Variants in SLC38A9 observed in about 807,000 individuals in gnomAD.
SLC38A9 encodes solute carrier family 38 member 9, also known as neutral amino acid transporter 9.
A neutral mutation model predicts 62.3 loss-of-function variants in SLC38A9; 48 were observed. The ratio of observed to expected loss-of-function variants is 0.77; its 90% CI spans 0.61 to 0.98. SLC38A9 has a LOEUF of 0.98. Ranked by LOEUF, SLC38A9 falls within the 50% of genes least tolerant of loss-of-function variation. The pLI, the probability that SLC38A9 is intolerant of heterozygous loss-of-function variation, is 0.00. For missense variants in SLC38A9, 541 were observed against 679.8 expected, an observed-to-expected ratio of 0.80 and a Z score of 2.27; for synonymous variants, 204 against 227.7, an observed-to-expected ratio of 0.90 and a Z score of 0.94.
intron 2 of SLC38A9, among the ~76,000 whole-genome samples, chr5:55,701,564 C>A (rs763692938): frequency 1.3e-5 from 2 of 152,090 alleles, no homozygotes; most frequent in Non-Finnish European, 2.9e-5. Flanking sequence ...AATGGAGCTC[C>A]CTGCTTCTAT....
At chr5:55,662,631 C>T (rs6450336) in intron 8 of SLC38A9, among the ~76,000 whole-genome samples, 88,714 of 148,594 alleles carry the variant, frequency 0.6, 27,081 homozygotes, top group South Asian at 0.7. Flanking sequence ...GATCTCACCA[C>T]TGCACTCCAG....
intron 3 of SLC38A9, among the ~76,000 whole-genome samples, chr5:55,674,037 T>C (rs1334087900): frequency 1.3e-5 from 2 of 152,236 alleles, no homozygotes; most frequent in Admixed American, 1.3e-4. Flanking sequence ...TGGGAAGTAC[T>C]TGAAAAGCCA....
chr5:55,698,157 G>A (rs1467930621), intron 2 of SLC38A9, among the ~76,000 whole-genome samples, 165 bp from the exon 3 acceptor site: 1 of 152,108 alleles, frequency 6.6e-6, no homozygotes, highest in Admixed American at 6.6e-5. Flanking sequence ...AACCTTAAAT[G>A]GAGTTATTTC....
At chr5:55,660,346 C>A (rs575312707) in intron 8 of SLC38A9, among the ~76,000 whole-genome samples, 9 of 152,146 alleles carry the variant, frequency 5.9e-5, no homozygotes, top group Admixed American at 2.0e-4. Context: ...CTGGAGAGGT[C>A]AAGGCTGCAG....
At chr5:55,699,888 G>C (rs1048715401) in intron 2 of SLC38A9, among the ~76,000 whole-genome samples, 1 of 152,126 alleles carries the variant, frequency 6.6e-6, no homozygotes, top group East Asian at 1.9e-4. Context: ...AAACATGAAG[G>C]ATAGAATGAG....
intron 7 of SLC38A9, among the ~76,000 whole-genome samples, chr5:55,668,260 A>T (rs917714148): frequency 1.3e-5 from 2 of 152,240 alleles, no homozygotes; most frequent in African/African-American, 4.8e-5. Context: ...GAATTAGATA[A>T]GACATGAACT....
chr5:55,638,998 CT>C (rs34582351), intron 12 of SLC38A9, among the ~76,000 whole-genome samples: 3 of 152,080 alleles, frequency 2.0e-5, no homozygotes, highest in African/African-American at 4.8e-5. Flanking sequence ...CCCTAATCCC[CT>C]TTTTTTGGTA....
At chr5:55,634,142 A>C (rs1743974245) in intron 13 of SLC38A9, 1 of 343,498 alleles carries the variant, frequency 2.9e-6, no homozygotes, top group African/African-American at 2.1e-5. Context: ...ATTTTACAAA[A>C]GTATCAGCCT....
intron 8 of SLC38A9, among the ~76,000 whole-genome samples, chr5:55,663,688 G>A (rs796432229): frequency 2.6e-5 from 4 of 152,142 alleles, no homozygotes; most frequent in Middle Eastern, 3.4e-3. Context: ...ATCCGAGATC[G>A]CGCCACAGCA....
rs140276086 is a variant in SLC38A9 at position 55,708,831 on chromosome 5, T to C, written c.-35+2621A>G. On this transcript the variant is annotated intron_variant, in intron 2 of 15. Transcript: ENST00000396865. ...TTCTACCTGTTAGCATGAAAGGCAA[T>C]TGAGTGTGCATGGCTGTGTTCCAAT... Among the ~76,000 whole-genome samples, 3 of 152,360 alleles carry C rather than the reference T, an allele frequency of 2.0e-5. No homozygotes were observed. In the East Asian group the frequency reaches 5.8e-4, roughly 29 times the overall value.
intron 8 of SLC38A9, among the ~76,000 whole-genome samples, chr5:55,660,515 T>C (rs1278482913): frequency 6.6e-6 from 1 of 152,228 alleles, no homozygotes; most frequent in African/African-American, 2.4e-5. Flanking sequence ...AAGATGGAAA[T>C]GTTCTATTTC....
In SLC38A9 at chr5:55,635,568, T is replaced by C. The variant is rs1227163185; in HGVS notation, c.1257A>G (p.Pro419=). Residue 419 remains proline (P), a synonymous_variant, in exon 13 of 16, where the codon CCA becomes CCG. Transcript: ENST00000396865. Reference sequence around the variant, plus strand: ...CCTGCTCAATACAATCTTTGGATAATGGTGGTGAAGGAAATGAAGCAAAAA... The same window carrying C: ...CCTGCTCAATACAATCTTTGGATAACGGTGGTGAAGGAAATGAAGCAAAAA... ...VLVFASFPSP[P]LSKDCIEQNF... 7 of 1,613,286 alleles carry C rather than the reference T, an allele frequency of 4.3e-6. No homozygotes were observed. In the Admixed American group the frequency reaches 1.0e-4, roughly 23 times the overall value.
At chr5:55,646,175 AG>A (rs1272394361) in intron 11 of SLC38A9, among the ~76,000 whole-genome samples, 1 of 152,232 alleles carries the variant, frequency 6.6e-6, no homozygotes, top group African/African-American at 2.4e-5. Context: ...AAGGAGTTTG[AG>A]ACCAGCCTGG....
chr5:55,672,927 C>A (rs1440895823), intron 3 of SLC38A9: 1 of 395,572 alleles, frequency 2.5e-6, no homozygotes, highest in Admixed American at 4.1e-5. Context: ...TTTTTGTAAT[C>A]TTCAGGAATT....
intron 11 of SLC38A9, among the ~76,000 whole-genome samples, chr5:55,646,339 G>A (rs1746348998): frequency 6.6e-6 from 1 of 152,064 alleles, no homozygotes; most frequent in Admixed American, 6.6e-5. Flanking sequence ...CCATTACACT[G>A]CAGCCTGGGT....
intron 3 of SLC38A9, among the ~76,000 whole-genome samples, chr5:55,683,764 T>C (rs1333155594): frequency 6.6e-6 from 1 of 152,214 alleles, no homozygotes; most frequent in Non-Finnish European, 1.5e-5. Context: ...CATTCCATTA[T>C]ATAAAAACAC....
At chr5:55,655,971 C>A (rs1243084158) in intron 9 of SLC38A9, among the ~76,000 whole-genome samples, 2 of 151,992 alleles carry the variant, frequency 1.3e-5, no homozygotes, top group Non-Finnish European at 2.9e-5. Flanking sequence ...AAATTAATTT[C>A]TTTTACAGGT....
At chr5:55,685,997 T>G (rs1580348702) in intron 3 of SLC38A9, among the ~76,000 whole-genome samples, 1 of 152,156 alleles carries the variant, frequency 6.6e-6, no homozygotes, top group Non-Finnish European at 1.5e-5. Flanking sequence ...CATTGAATGG[T>G]GTATGCATTT....
At chr5:55,670,558 C>T (rs946311224) in intron 4 of SLC38A9, among the ~76,000 whole-genome samples, 3 of 152,162 alleles carry the variant, frequency 2.0e-5, no homozygotes, top group Admixed American at 2.0e-4. Flanking sequence ...TACACACATT[C>T]ATTAAGAATG....
Sources: gnomAD v4.1 joint callset for allele counts (sites outside exome capture counted in the v4.1 genomes callset) on GRCh38, gnomAD v4.1.1 for gene constraint, MANE v1.5 for transcripts, NCBI Gene and HGNC (gene_info 2026-07-23, HGNC 2026-07-21) for gene names.